Variants in CHN2 observed in about 807,000 individuals in gnomAD.
CHN2 encodes the protein chimerin 2, also known as beta-chimaerin.
Under a neutral mutation model 56.3 loss-of-function variants are expected in CHN2, and 35 were observed. That is an observed-to-expected ratio of 0.62 (90% CI 0.47 to 0.82). The LOEUF (loss-of-function observed/expected upper bound fraction) is 0.82. Ranked by LOEUF, CHN2 falls within the 40% of genes least tolerant of loss-of-function variation. The pLI is 0.00. For synonymous variants in CHN2, 210 were observed against 212.8 expected, an observed-to-expected ratio of 0.99 and a Z score of 0.12; for missense variants, 491 against 580.5, an observed-to-expected ratio of 0.85 and a Z score of 1.58.
At chr7:29,460,927 G>A (rs1248499570) in intron 6 of CHN2, among the ~76,000 whole-genome samples, 1 of 152,308 alleles carries the variant, frequency 6.6e-6, no homozygotes, top group East Asian at 1.9e-4. Context: ...AAGATGAGAG[G>A]GTTGCTTAGA....
In CHN2 at chr7:29,408,293, C is replaced by G. The variant is rs143806308; in HGVS notation, c.576+7465C>G. Among the ~76,000 whole-genome samples, 16 of 152,266 alleles carry G rather than the reference C, an allele frequency of 1.1e-4. No individual in the cohort carries two copies. The East Asian group carries it at 3.1e-3, about 29-fold the overall frequency. ...GTCTTCACTGGTGAAAGGCACCTGT[C>G]GGTCTTTTTTGGCTCCTCAGGTGAT... On this transcript the variant is annotated intron_variant, in intron 6 of 12. Transcript: ENST00000222792.
chr7:29,412,760 G>C (rs1486897104), intron 6 of CHN2, among the ~76,000 whole-genome samples: 1 of 152,126 alleles, frequency 6.6e-6, no homozygotes, highest in Admixed American at 6.5e-5. Flanking sequence ...AGAGCCCTCT[G>C]TTGGAAGGGG....
At chr7:29,446,782 G>T (rs181910659) in intron 6 of CHN2, among the ~76,000 whole-genome samples, 11 of 152,272 alleles carry the variant, frequency 7.2e-5, no homozygotes, top group Non-Finnish European at 1.3e-4. Context: ...CCACACAAAG[G>T]ATTAGAGGAA....
At chr7:29,491,852 A>G (rs1394805755) in intron 7 of CHN2, among the ~76,000 whole-genome samples, 1 of 152,172 alleles carries the variant, frequency 6.6e-6, no homozygotes, top group Non-Finnish European at 1.5e-5. Flanking sequence ...AGACTTCTTC[A>G]TCCCCTTCAA....
At chr7:29,235,022 A>G (rs975878403) in intron 1 of CHN2, among the ~76,000 whole-genome samples, 2 of 152,216 alleles carry the variant, frequency 1.3e-5, no homozygotes, top group Non-Finnish European at 1.5e-5. Flanking sequence ...ACTTAGTTCC[A>G]GGCATGGTAT....
At chr7:29,418,625 A>G (rs1284577474) in intron 6 of CHN2, among the ~76,000 whole-genome samples, 1 of 152,134 alleles carries the variant, frequency 6.6e-6, no homozygotes, top group Non-Finnish European at 1.5e-5. Context: ...CCCGTTGAGT[A>G]TTGTGTTCTG....
At chr7:29,302,500 CTTTTT>C (rs70980525) in intron 1 of CHN2, among the ~76,000 whole-genome samples, 1 of 117,818 alleles carries the variant, frequency 8.5e-6, no homozygotes, top group Non-Finnish European at 1.7e-5. Flanking sequence ...AATTTTAATT[CTTTTT>C]TTTTTTTTTT....
At chr7:29,478,578 T>C (rs1226505513) in intron 6 of CHN2, among the ~76,000 whole-genome samples, 1 of 152,176 alleles carries the variant, frequency 6.6e-6, no homozygotes, top group African/African-American at 2.4e-5. Flanking sequence ...TTGAGGAGCA[T>C]GGGCGCTGGA....
chr7:29,461,836 ATGG>A, intron 6 of CHN2, among the ~76,000 whole-genome samples: 1 of 151,814 alleles, frequency 6.6e-6, no homozygotes. Context: ...GGATGGATGG[ATGG>A]ATGGATGGAT....
intron 12 of CHN2, among the ~76,000 whole-genome samples, chr7:29,510,353 T>A (rs1166674255): frequency 6.6e-6 from 1 of 152,048 alleles, no homozygotes; most frequent in Non-Finnish European, 1.5e-5. Context: ...ACAGGAGAAT[T>A]GCTTGAACCC....
intron 1 of CHN2, among the ~76,000 whole-genome samples, chr7:29,308,427 C>T (rs1794334279): frequency 6.6e-6 from 1 of 151,030 alleles, no homozygotes; most frequent in African/African-American, 2.4e-5. Context: ...AACAATAAAG[C>T]ACGTGTCCCT....
intron 6 of CHN2, among the ~76,000 whole-genome samples, chr7:29,466,281 A>G (rs1291465031): frequency 6.6e-6 from 1 of 152,186 alleles, no homozygotes; most frequent in Non-Finnish European, 1.5e-5. Context: ...TAAAATTATC[A>G]TAGCTATACT....
rs3046854 is a variant in CHN2 at position 29,229,978 on chromosome 7, A to AAAATAAAT, written c.49+35007_49+35014dup. ...GGAGACAGAGGGAGACCCTGTCTCA[A>AAAATAAAT]AAATAAATAAATAAATAAATAAATA... On this transcript the variant is annotated intron_variant, in intron 1 of 12. Coordinates refer to ENST00000222792, the MANE Select transcript of CHN2 (RefSeq NM_004067.4). 9.6e-3 allele frequency among the ~76,000 whole-genome samples: 1,441 copies of AAAATAAAT among 149,760 alleles called. 19 individuals carry two copies. Among genetic ancestry groups the AAAATAAAT allele is most frequent in the Admixed American group, 0.035 (530 of 15,042 alleles).
chr7:29,474,425 A>G (rs1242299420), intron 6 of CHN2, among the ~76,000 whole-genome samples: 3 of 152,354 alleles, frequency 2.0e-5, no homozygotes, highest in East Asian at 1.9e-4. Context: ...AATTGGATCA[A>G]TGCACATGAA....
intron 1 of CHN2, among the ~76,000 whole-genome samples, chr7:29,291,263 G>A (rs1323658851): frequency 6.6e-6 from 1 of 152,116 alleles, no homozygotes; most frequent in Non-Finnish European, 1.5e-5. Context: ...CCAGTTTCAG[G>A]TGTTTTCTAT....
chr7:29,413,863 C>T (rs1021722809), intron 6 of CHN2, among the ~76,000 whole-genome samples: 5 of 152,208 alleles, frequency 3.3e-5, no homozygotes, highest in Non-Finnish European at 5.9e-5. Context: ...TTCCCAATAT[C>T]GGTACTCAGT....
chr7:29,360,083 G>T (rs1798607989), intron 2 of CHN2, among the ~76,000 whole-genome samples: 1 of 152,354 alleles, frequency 6.6e-6, no homozygotes, highest in African/African-American at 2.4e-5. Context: ...GATCAGAAAA[G>T]TGGGGGGATC....
At chr7:29,283,285 A>T (rs1791870422) in intron 1 of CHN2, among the ~76,000 whole-genome samples, 1 of 152,140 alleles carries the variant, frequency 6.6e-6, no homozygotes, top group African/African-American at 2.4e-5. Context: ...TCCCCACTAG[A>T]CAGAGGACGT....
At chr7:29,205,676 A>G (rs1784464352) in intron 1 of CHN2, among the ~76,000 whole-genome samples, 1 of 152,176 alleles carries the variant, frequency 6.6e-6, no homozygotes. Flanking sequence ...CTTGGAGTGT[A>G]ATCGTGCCAA....
Sources: allele counts gnomAD v4.1 joint callset (sites outside exome capture counted in the v4.1 genomes callset), GRCh38; gene constraint gnomAD v4.1.1; transcripts MANE v1.5; gene names NCBI Gene and HGNC (gene_info 2026-07-23, HGNC 2026-07-21).